DCAF8: variants seen among roughly 807,000 people sequenced by gnomAD.
DCAF8 encodes DDB1 and CUL4 associated factor 8, also known as DDB1- and CUL4-associated factor 8.
DCAF8 carries 20 observed loss-of-function variants against 68.0 expected under a neutral mutation model. The ratio of observed to expected loss-of-function variants is 0.29; its 90% CI spans 0.21 to 0.43. DCAF8 has a LOEUF of 0.43. Among genes scored for constraint, DCAF8 ranks in the 20% least tolerant of loss-of-function variants. The pLI, the probability that DCAF8 is intolerant of heterozygous loss-of-function variation, is 1.00. For synonymous variants in DCAF8, 230 were observed against 276.9 expected (o/e 0.83, Z 1.68); for missense variants, 460 against 771.0 (o/e 0.60, Z 4.78).
intron 9 of DCAF8, 73 bp from the exon 10 acceptor site, chr1:160,224,622 T>A: frequency 8.7e-7 from 1 of 1,154,634 alleles, no homozygotes; most frequent in Non-Finnish European, 1.3e-6. Flanking sequence ...GGGGTTGGGG[T>A]GGGGCTTCTT....
At chr1:160,238,232 C>T (rs1655960986) in intron 5 of DCAF8, among the ~76,000 whole-genome samples, 1 of 152,178 alleles carries the variant, frequency 6.6e-6, no homozygotes, top group South Asian at 2.1e-4. Context: ...AGAGTTTGAG[C>T]AGGTAAGCTG....
At position 160,224,383 on chromosome 1, in the gene DCAF8, ACTGTGGTTCTC is replaced by A. The variant is rs1655399365; in HGVS notation, c.1309+48_1309+58del. The A allele has an allele frequency of 3.9e-6, 5 of 1,266,802 alleles. No homozygotes were observed. The East Asian group carries it at 1.2e-4, about 29-fold the overall frequency. The allele number at this position is 1,266,802 out of a possible 1,614,324, so 78.5% of individuals were successfully genotyped here. A position where few individuals can be genotyped will look rare whatever the true frequency, so the allele number is the denominator to read the frequency against. On this transcript the variant is annotated intron_variant, in intron 10 of 13. Coordinates refer to ENST00000368074, the MANE Select transcript of DCAF8 (RefSeq NM_015726.4). The stretch of plus-strand genomic sequence containing the variant: ...TCTATTTGTATAACCTGAGTAAGAC[ACTGTGGTTCTC>A]CAAAGCCAACAGGCTTGGGCCAAAG...
chr1:160,249,742 A>G (rs1357930908), intron 2 of DCAF8, among the ~76,000 whole-genome samples: 2 of 152,242 alleles, frequency 1.3e-5, no homozygotes, highest in African/African-American at 4.8e-5. Flanking sequence ...ACTGGAAACA[A>G]ATTTTCTTCA....
chr1:160,240,425 G>A (rs1656066089), intron 3 of DCAF8, 55 bp from the exon 4 acceptor site: 1 of 1,493,416 alleles, frequency 6.7e-7, no homozygotes, highest in Middle Eastern at 2.4e-4. Flanking sequence ...AAACAGGATA[G>A]TGACCACCTT....
At chr1:160,260,071 G>GT (rs1205053682) in intron 2 of DCAF8, among the ~76,000 whole-genome samples, 3 of 149,232 alleles carry the variant, frequency 2.0e-5, no homozygotes, top group African/African-American at 5.1e-5. Flanking sequence ...ATTCAAAGCT[G>GT]TATCAATGAT....
Position 160,225,584 on chromosome 1 carries a change from A to G in DCAF8, c.1143+7T>C. On this transcript the variant is annotated splice_region_variant and intron_variant, in intron 8 of 13. Transcript: ENST00000368074. ...GCCTGCAGCAACTGGCCCTTCATGA[A>G]TCTTACCAGGTGATGAGGACAGAAC... The G allele has an allele frequency of 6.2e-7, 1 of 1,611,228 alleles. No individual in the cohort carries two copies. The highest frequency in any genetic ancestry group is 8.5e-7 in the Non-Finnish European group (1 of 1,177,810).
At chr1:160,256,971 T>A (rs1656860578) in intron 2 of DCAF8, among the ~76,000 whole-genome samples, 1 of 152,214 alleles carries the variant, frequency 6.6e-6, no homozygotes. Context: ...TGAAAAGCTT[T>A]CAAAGACTTT....
In DCAF8 at chr1:160,231,283, A is replaced by C. The variant is rs1655674631; in HGVS notation, c.1070+14T>G. The C allele has an allele frequency of 1.3e-6, 2 of 1,589,294 alleles. No homozygotes were observed. The highest frequency in any genetic ancestry group is 2.7e-5 in the African/African-American group (2 of 74,490). On this transcript the variant is annotated intron_variant, in intron 7 of 13. Coordinates refer to ENST00000368074, the MANE Select transcript of DCAF8 (RefSeq NM_015726.4). Reference sequence around the variant, plus strand: ...TTACAAACTGTCAAAGACACAAAAGAGCCACAAACTCACCTTACAAACTGA... The same window carrying C: ...TTACAAACTGTCAAAGACACAAAAGCGCCACAAACTCACCTTACAAACTGA...
rs143391219 is a variant in DCAF8 at position 160,254,655 on chromosome 1, G to T, written c.-27+6630C>A. On this transcript the variant is annotated intron_variant, in intron 2 of 13. Transcript: ENST00000368074. ...AAAAATACAAAAATTAGCTGGGCAT[G>T]GTGGCATGCGCCTGTAGTCTTAGCT... Among the ~76,000 whole-genome samples the T allele has an allele frequency of 6.4e-3, 967 of 152,216 alleles. 21 individuals carry two copies. The East Asian group carries it at 0.091, about 14-fold the overall frequency.
intron 2 of DCAF8, among the ~76,000 whole-genome samples, chr1:160,247,651 CA>C (rs1656397473): frequency 6.6e-6 from 1 of 152,154 alleles, no homozygotes. Context: ...TCAGAAAATT[CA>C]AAATCCAAAA....
At chr1:160,232,640 C>CAA (rs768709547) in intron 6 of DCAF8, among the ~76,000 whole-genome samples, 323 of 120,792 alleles carry the variant, frequency 2.7e-3, no homozygotes, top group Middle Eastern at 9.2e-3. Flanking sequence ...GACTCTGTCT[C>CAA]AAAAAAAAAA....
intron 2 of DCAF8, among the ~76,000 whole-genome samples, chr1:160,256,514 C>T (rs1006237759): frequency 6.6e-6 from 1 of 151,966 alleles, no homozygotes; most frequent in Non-Finnish European, 1.5e-5. Flanking sequence ...AATACAGTAA[C>T]TTGACTACCA....
At chr1:160,226,977 G>A (rs570862156) in intron 7 of DCAF8, among the ~76,000 whole-genome samples, 1 of 152,336 alleles carries the variant, frequency 6.6e-6, no homozygotes, top group African/African-American at 2.4e-5. Flanking sequence ...ATCTCCAAGG[G>A]AAAATACAGA....
rs369267854 is a variant in DCAF8, at chr1:160,231,418, A to G, written c.960-11T>C. 6.3e-7 allele frequency: 1 copy of G among 1,599,368 alleles called. No individual in the cohort carries two copies. Among genetic ancestry groups the G allele is most frequent in the Non-Finnish European group, 8.6e-7 (1 of 1,166,666 alleles). ...GTCACCACCAGTTTCCTTTAAGAGT[A>G]GAAAAGCACAGAAAGTTATATACTC... On this transcript the variant is annotated splice_polypyrimidine_tract_variant and intron_variant, in intron 6 of 13. Coordinates refer to ENST00000368074, the MANE Select transcript of DCAF8 (RefSeq NM_015726.4).
intron 7 of DCAF8, among the ~76,000 whole-genome samples, chr1:160,228,585 T>C (rs1242983575): frequency 6.7e-6 from 1 of 150,218 alleles, no homozygotes; most frequent in South Asian, 2.1e-4. Flanking sequence ...TAGTAGGGAC[T>C]CACACCTATA....
chr1:160,222,669 C>A lies in DCAF8; in HGVS notation c.1422G>T (p.Glu474Asp). Residue 474 changes from glutamate (E) to aspartate (D), a missense_variant, in exon 11 of 14, where the codon GAG (glutamate) becomes GAT (aspartate). Glu to Asp is a conservative substitution (Grantham distance 45). Transcript: ENST00000368074. ...TACTCACCACGCCTCCCTTGTCCCC[C>A]TCCATGAACTGAATAATCTGGCAGG... ...KSSCQIIQFMEGDKGGVVNCL... is the reference protein window; with the variant it reads ...KSSCQIIQFMDGDKGGVVNCL... 6.2e-7 allele frequency: 1 copy of A among 1,614,168 alleles called. No individual in the cohort carries two copies.
chr1:160,242,244 C>CA (rs200596217), intron 3 of DCAF8, among the ~76,000 whole-genome samples: 1,264 of 63,502 alleles, frequency 0.02, 16 homozygotes, highest in African/African-American at 0.043. Flanking sequence ...AACTCTGTCT[C>CA]AAAAAAAAAA....
At chr1:160,260,999 G>A (rs1657066631) in intron 2 of DCAF8, among the ~76,000 whole-genome samples, 2 of 152,068 alleles carry the variant, frequency 1.3e-5, no homozygotes, top group Non-Finnish European at 2.9e-5. Context: ...AAAATACAAG[G>A]AAAATGAATA....
intron 7 of DCAF8, among the ~76,000 whole-genome samples, chr1:160,228,652 C>T (rs545014122): frequency 6.6e-6 from 1 of 151,844 alleles, no homozygotes; most frequent in African/African-American, 2.4e-5. Flanking sequence ...CATGTCTCCC[C>T]AGAGCTTCCC....
Sources: gnomAD v4.1 joint callset for allele counts (sites outside exome capture counted in the v4.1 genomes callset) on GRCh38, gnomAD v4.1.1 for gene constraint, MANE v1.5 for transcripts, NCBI Gene and HGNC (gene_info 2026-07-23, HGNC 2026-07-21) for gene names.